CRISPLD2: variants seen among roughly 807,000 people sequenced by gnomAD.
The protein encoded by CRISPLD2 is cysteine-rich secretory protein LCCL domain-containing 2.
A neutral mutation model predicts 71.1 loss-of-function variants in CRISPLD2; 47 were observed. The ratio of observed to expected loss-of-function variants is 0.66; its 90% CI spans 0.52 to 0.84. The LOEUF (loss-of-function observed/expected upper bound fraction) is 0.84. Among genes scored for constraint, CRISPLD2 ranks in the 40% least tolerant of loss-of-function variants. The pLI is 0.00. For missense variants in CRISPLD2, 830 were observed against 651.1 expected (o/e 1.27, Z -2.99); for synonymous variants, 317 against 250.1 (o/e 1.27, Z -2.52).
At position 84,892,537 on chromosome 16, in the gene CRISPLD2, G is replaced by T. The variant is rs114695622; in HGVS notation, c.1439+3174G>T. Reference sequence around the variant, plus strand: ...CCCTTGAGATTCTCAGCGCTGAGTTGTCCAGTACAGTAGCCACCAACGGTG... The same window carrying T: ...CCCTTGAGATTCTCAGCGCTGAGTTTTCCAGTACAGTAGCCACCAACGGTG... On this transcript the variant is annotated intron_variant, in intron 14 of 14. Transcript: ENST00000262424. Among the ~76,000 whole-genome samples the T allele has an allele frequency of 3.0e-3, 460 of 152,250 alleles. 1 individual carries two copies. The highest frequency in any genetic ancestry group is 0.011 in the African/African-American group (447 of 41,550).
rs114500245 is a variant in CRISPLD2, at chr16:84,840,329, G to T, written c.240+1594G>T. On this transcript the variant is annotated intron_variant, in intron 2 of 14. Transcript: ENST00000262424. ...ATCCTGACAGTAATCCTGGAAAATA[G>T]AAAGTATTAGCACCAATTTGCAGAA... 8.7e-3 allele frequency among the ~76,000 whole-genome samples: 1,329 copies of T among 152,266 alleles called. 15 individuals carry two copies. The highest frequency in any genetic ancestry group is 0.03 in the African/African-American group (1,252 of 41,552).
At chr16:84,844,772 A>AG (rs1183204462) in intron 2 of CRISPLD2, among the ~76,000 whole-genome samples, 3 of 152,078 alleles carry the variant, frequency 2.0e-5, no homozygotes, top group African/African-American at 7.2e-5. Context: ...AATCCCCTGC[A>AG]GGGGCCCTCG....
intron 2 of CRISPLD2, among the ~76,000 whole-genome samples, chr16:84,841,245 G>T (rs549408997): frequency 6.6e-6 from 1 of 152,346 alleles, no homozygotes; most frequent in South Asian, 2.1e-4. Context: ...CCTGAAGAGT[G>T]AGCATGGTTG....
chr16:84,897,570 G>A, intron 14 of CRISPLD2, among the ~76,000 whole-genome samples: 1 of 152,174 alleles, frequency 6.6e-6, no homozygotes, highest in Non-Finnish European at 1.5e-5. Context: ...TTTTCTTTCA[G>A]GTTTCTTCTG....
intron 13 of CRISPLD2, among the ~76,000 whole-genome samples, chr16:84,885,331 G>A (rs987276453): frequency 1.3e-5 from 2 of 152,248 alleles, no homozygotes; most frequent in Non-Finnish European, 2.9e-5. Flanking sequence ...GCTTCTCTTT[G>A]AGATGGATGC....
chr16:84,844,876 C>T (rs1916870316), intron 2 of CRISPLD2, among the ~76,000 whole-genome samples: 1 of 152,156 alleles, frequency 6.6e-6, no homozygotes, highest in Non-Finnish European at 1.5e-5. Context: ...TAGGCTTCCC[C>T]TCCCCATTAC....
intron 7 of CRISPLD2, among the ~76,000 whole-genome samples, chr16:84,867,896 T>G (rs1917585351): frequency 6.6e-6 from 1 of 152,104 alleles, no homozygotes; most frequent in Non-Finnish European, 1.5e-5. Flanking sequence ...CAGGGTGGAG[T>G]TCAGCTCCCC....
At chr16:84,820,920 G>T (rs1916216628) in intron 1 of CRISPLD2, among the ~76,000 whole-genome samples, 1 of 152,238 alleles carries the variant, frequency 6.6e-6, no homozygotes, top group African/African-American at 2.4e-5. Flanking sequence ...GCCAGGGCTA[G>T]TCCCTCATGT....
intron 3 of CRISPLD2, 34 bp from the exon 4 acceptor site, chr16:84,849,351 G>T: frequency 2.5e-6 from 4 of 1,598,794 alleles, no homozygotes; most frequent in Non-Finnish European, 3.4e-6. Flanking sequence ...TGAGGGGAGG[G>T]GCTGGGACTG....
chr16:84,870,161 A>G (rs115333546), intron 8 of CRISPLD2, among the ~76,000 whole-genome samples: 2,123 of 152,262 alleles, frequency 0.014, 53 homozygotes, highest in African/African-American at 0.049. Flanking sequence ...AAAGGCATCT[A>G]TGCTCATTAA....
rs1567678537 is a variant in CRISPLD2 at position 84,830,772 on chromosome 16, C to CT, written c.-74-7644dup. 2.0e-5 allele frequency among the ~76,000 whole-genome samples: 3 copies of CT among 151,894 alleles called. No homozygotes were observed. In the South Asian group the frequency reaches 6.2e-4, roughly 32 times the overall value. On this transcript the variant is annotated intron_variant, in intron 1 of 14. Transcript: ENST00000262424. ...AATACTTAAAACCTATCACTTTTGA[C>CT]TTTTTTCCTGCATTTTACTGTGGCC...
At position 84,838,876 on chromosome 16, in the gene CRISPLD2, C is replaced by T. The variant is rs767005654; in HGVS notation, c.240+141C>T. The T allele has an allele frequency of 2.7e-5, 29 of 1,082,366 alleles. No homozygotes were observed. In the East Asian group the frequency reaches 7.5e-4, roughly 28 times the overall value. 67.0% of individuals were successfully genotyped at this position (1,082,366 alleles called of 1,614,324 possible). A position where few individuals can be genotyped will look rare whatever the true frequency, so the allele number is the denominator to read the frequency against. Reference sequence around the variant, plus strand: ...GGGTCTCCTCTGGCAGGGGAGGATCCCGGCTCTGTTCTGTTTTGTTTGTTT... The same window carrying T: ...GGGTCTCCTCTGGCAGGGGAGGATCTCGGCTCTGTTCTGTTTTGTTTGTTT... On this transcript the variant is annotated intron_variant, in intron 2 of 14. Coordinates refer to ENST00000262424, the MANE Select transcript of CRISPLD2 (RefSeq NM_031476.4).
At chr16:84,889,150 A>G (rs537232587) in intron 13 of CRISPLD2, 80 bp from the exon 14 acceptor site, 48 of 1,590,906 alleles carry the variant, frequency 3.0e-5, no homozygotes, top group Admixed American at 1.5e-4. Context: ...GTTGCCCAGC[A>G]GTGAATGATG....
intron 1 of CRISPLD2, among the ~76,000 whole-genome samples, 170 bp from the exon 2 acceptor site, chr16:84,838,252 A>G (rs1200368097): frequency 6.6e-6 from 1 of 152,168 alleles, no homozygotes; most frequent in Non-Finnish European, 1.5e-5. Flanking sequence ...CGTAAATCCC[A>G]GCTCCACCAC....
intron 14 of CRISPLD2, among the ~76,000 whole-genome samples, chr16:84,894,983 C>A (rs2071693716): frequency 6.6e-6 from 1 of 152,132 alleles, no homozygotes; most frequent in Admixed American, 6.5e-5. Flanking sequence ...CCTGCACTCT[C>A]CCCCAAGCCA....
chr16:84,833,377 A>G (rs1314797973), intron 1 of CRISPLD2, among the ~76,000 whole-genome samples: 1 of 152,158 alleles, frequency 6.6e-6, no homozygotes, highest in African/African-American at 2.4e-5. Flanking sequence ...CAACTCTGGC[A>G]AAAGAGAACA....
At chr16:84,868,815 C>T (rs780583267) in intron 7 of CRISPLD2, 36 bp from the exon 8 acceptor site, 39 of 1,575,922 alleles carry the variant, frequency 2.5e-5, no homozygotes, top group African/African-American at 1.4e-4. Flanking sequence ...CTCCTGGTTT[C>T]GTGCCGTGAC....
intron 8 of CRISPLD2, among the ~76,000 whole-genome samples, chr16:84,869,354 A>G (rs191703645): frequency 3.0e-4 from 45 of 152,330 alleles, no homozygotes; most frequent in Non-Finnish European, 4.6e-4. Context: ...AAATGGGAAA[A>G]CCATGTCATT....
intron 1 of CRISPLD2, among the ~76,000 whole-genome samples, chr16:84,824,190 G>C (rs1916296470): frequency 6.6e-6 from 1 of 152,234 alleles, no homozygotes; most frequent in Non-Finnish European, 1.5e-5. Context: ...TGCAGGTGGA[G>C]AAGGGCCTGG....
Sources: allele counts gnomAD v4.1 joint callset (sites outside exome capture counted in the v4.1 genomes callset), GRCh38; gene constraint gnomAD v4.1.1; transcripts MANE v1.5; gene names NCBI Gene and HGNC (gene_info 2026-07-23, HGNC 2026-07-21).